Variants in SH2D4B observed in about 807,000 individuals in gnomAD.
SH2D4B encodes the protein SH2 domain-containing protein 4B.
Under a neutral mutation model 61.5 loss-of-function variants are expected in SH2D4B, and 45 were observed. The ratio of observed to expected loss-of-function variants is 0.73; its 90% CI spans 0.58 to 0.94. The LOEUF (loss-of-function observed/expected upper bound fraction) is 0.94, where lower values mean the gene tolerates loss of function less well. Ranked by LOEUF, SH2D4B falls within the 40% of genes least tolerant of loss-of-function variation. The pLI is 0.00. For missense variants in SH2D4B, 572 were observed against 574.2 expected (o/e 1.00, Z 0.04); for synonymous variants, 224 against 220.4 (o/e 1.02, Z -0.14).
intron 6 of SH2D4B, among the ~76,000 whole-genome samples, chr10:80,618,001 C>CA (rs1298273051): frequency 5.3e-5 from 8 of 152,316 alleles, no homozygotes; most frequent in Admixed American, 5.2e-4. Flanking sequence ...AGCCCTGGGT[C>CA]ATATGATCAT....
At chr10:80,554,438 G>T (rs914700554) in intron 1 of SH2D4B, among the ~76,000 whole-genome samples, 6 of 140,752 alleles carry the variant, frequency 4.3e-5, no homozygotes, top group African/African-American at 1.8e-4. Context: ...TTGGATGTAC[G>T]TGTGTGTGTG....
chr10:80,540,888 C>T (rs1364590263), intron 1 of SH2D4B: 2 of 1,551,666 alleles, frequency 1.3e-6, no homozygotes, highest in African/African-American at 1.4e-5. Flanking sequence ...TCTTCTCTTC[C>T]TTCCCTTGAT....
At chr10:80,594,639 G>T (rs1013137378) in intron 4 of SH2D4B, among the ~76,000 whole-genome samples, 2 of 152,046 alleles carry the variant, frequency 1.3e-5, no homozygotes, top group Non-Finnish European at 2.9e-5. Flanking sequence ...AATTTTTTTT[G>T]ATTACGAATT....
intron 6 of SH2D4B, among the ~76,000 whole-genome samples, chr10:80,619,407 A>G (rs1842692942): frequency 6.6e-6 from 1 of 152,220 alleles, no homozygotes; most frequent in Non-Finnish European, 1.5e-5. Context: ...ACAGAGGCCC[A>G]ACCGGGAGTG....
At chr10:80,609,599 G>A (rs1564783022) in intron 6 of SH2D4B, 48 bp downstream of exon 6, 2 of 1,612,758 alleles carry the variant, frequency 1.2e-6, no homozygotes, top group African/African-American at 1.3e-5. Flanking sequence ...CCACATCTTT[G>A]CCTCTCTCTG....
chr10:80,626,176 A>G (rs1402942782), intron 6 of SH2D4B, among the ~76,000 whole-genome samples: 1 of 151,898 alleles, frequency 6.6e-6, no homozygotes, highest in African/African-American at 2.4e-5. Flanking sequence ...TTCCTGAAGT[A>G]CATCCTTTAG....
intron 3 of SH2D4B, among the ~76,000 whole-genome samples, chr10:80,577,272 C>T (rs537270627): frequency 6.6e-6 from 1 of 152,346 alleles, no homozygotes; most frequent in South Asian, 2.1e-4. Context: ...AGCCTTGGTT[C>T]TGCCAGCCCA....
At chr10:80,596,040 G>T (rs1842381036) in intron 4 of SH2D4B, among the ~76,000 whole-genome samples, 1 of 152,182 alleles carries the variant, frequency 6.6e-6, no homozygotes, top group Non-Finnish European at 1.5e-5. Context: ...TTTCTCTGTT[G>T]ACCTCTTCCA....
chr10:80,616,432 G>T (rs1282869759), intron 6 of SH2D4B, among the ~76,000 whole-genome samples: 1 of 152,114 alleles, frequency 6.6e-6, no homozygotes, highest in Non-Finnish European at 1.5e-5. Context: ...TTTTTCAGGT[G>T]TGCACTGGCT....
At chr10:80,546,020 T>C (rs75189310) in intron 1 of SH2D4B, among the ~76,000 whole-genome samples, 1 of 144,698 alleles carries the variant, frequency 6.9e-6, no homozygotes, top group African/African-American at 2.7e-5. Context: ...CTTTCTTTCT[T>C]TCTCTTTCTT....
At chr10:80,634,173 G>T in intron 6 of SH2D4B, 112 bp from the exon 7 acceptor site, 1 of 1,385,740 alleles carries the variant, frequency 7.2e-7, no homozygotes, top group Non-Finnish European at 9.5e-7. Flanking sequence ...TGGACTGTGT[G>T]GATGGCATGT....
rs147725753 is a variant in SH2D4B, at chr10:80,570,311, G to A, written c.342G>A (p.Glu114=). The part of the protein sequence containing the change: ...ARLQAQREAE[E]LWRQKEAEIT... ...TGCAGGCACAGAGGGAAGCTGAGGA[G>A]CTCTGGTGAGGGGTGCTATGGGGTG... The change falls in exon 2 of 8, where the codon GAG becomes GAA. Residue 114 remains glutamate (E), a synonymous_variant. Transcript: ENST00000646907. The A allele has an allele frequency of 1.2e-6, 2 of 1,612,624 alleles. No homozygotes were observed. The highest frequency in any genetic ancestry group is 1.7e-6 in the Non-Finnish European group (2 of 1,179,882).
At chr10:80,632,371 T>C (rs1242755511) in intron 6 of SH2D4B, among the ~76,000 whole-genome samples, 1 of 152,196 alleles carries the variant, frequency 6.6e-6, no homozygotes, top group Non-Finnish European at 1.5e-5. Context: ...CAAAATGTCA[T>C]GTACACCATA....
At chr10:80,607,817 A>T (rs1842536971) in intron 5 of SH2D4B, among the ~76,000 whole-genome samples, 1 of 152,186 alleles carries the variant, frequency 6.6e-6, no homozygotes, top group Non-Finnish European at 1.5e-5. Context: ...AGAATTTACC[A>T]GTCTCCTGTC....
At chr10:80,540,857 G>C (rs1386005989) in intron 1 of SH2D4B, 5 of 1,551,460 alleles carry the variant, frequency 3.2e-6, no homozygotes, top group Non-Finnish European at 4.4e-6. Context: ...GAATTGTGCG[G>C]GGACGGGCTC....
At chr10:80,576,601 TA>T (rs1842128120) in intron 3 of SH2D4B, among the ~76,000 whole-genome samples, 1 of 152,206 alleles carries the variant, frequency 6.6e-6, no homozygotes, top group African/African-American at 2.4e-5. Context: ...AAGCCTAGGC[TA>T]AAACATGATC....
At chr10:80,596,466 G>A (rs896504132) in intron 4 of SH2D4B, among the ~76,000 whole-genome samples, 5 of 152,178 alleles carry the variant, frequency 3.3e-5, no homozygotes, top group Admixed American at 1.3e-4. Flanking sequence ...AGGGAGGTCG[G>A]GGCATCAGGC....
intron 6 of SH2D4B, among the ~76,000 whole-genome samples, chr10:80,618,431 G>A (rs1004210105): frequency 7.9e-5 from 12 of 152,052 alleles, no homozygotes; most frequent in African/African-American, 2.7e-4. Flanking sequence ...CAAGAAACTC[G>A]TCCAGTGAAA....
chr10:80,573,156 T>G (rs1280053827), intron 3 of SH2D4B, among the ~76,000 whole-genome samples: 5 of 148,060 alleles, frequency 3.4e-5, no homozygotes, highest in Non-Finnish European at 7.5e-5. Flanking sequence ...GGCTAATTTT[T>G]TTTTTGTATT....
Sources: gnomAD v4.1 joint callset for allele counts (sites outside exome capture counted in the v4.1 genomes callset) on GRCh38, gnomAD v4.1.1 for gene constraint, MANE v1.5 for transcripts, NCBI Gene and HGNC (gene_info 2026-07-23, HGNC 2026-07-21) for gene names.